The following FRMD8 variants were observed in gnomAD, a reference collection of about 807,000 sequenced individuals.
FRMD8 encodes the protein FERM domain-containing protein 8.
FRMD8 carries 37 observed loss-of-function variants against 54.2 expected under a neutral mutation model. The ratio of observed to expected loss-of-function variants is 0.68; its 90% CI spans 0.53 to 0.90. The LOEUF is 0.90. Among genes scored for constraint, FRMD8 ranks in the 40% least tolerant of loss-of-function variants. The pLI is 0.00. For synonymous variants in FRMD8, 246 were observed against 286.9 expected, an observed-to-expected ratio of 0.86 and a Z score of 1.44; for missense variants, 585 against 653.7, an observed-to-expected ratio of 0.89 and a Z score of 1.15.
At chr11:65,387,663 C>A (rs190289214) in intron 2 of FRMD8, among the ~76,000 whole-genome samples, 1 of 152,050 alleles carries the variant, frequency 6.6e-6, no homozygotes, top group African/African-American at 2.4e-5. Context: ...CTCAGCCTCC[C>A]GAGTAGCTAG....
chr11:65,394,158 T>A, intron 5 of FRMD8, 59 bp downstream of exon 5: 1 of 1,606,598 alleles, frequency 6.2e-7, no homozygotes, highest in Non-Finnish European at 8.5e-7. Flanking sequence ...AGCCTCCCTG[T>A]CCCTAGACCC....
the FRMD8 span, among the ~76,000 whole-genome samples, chr11:65,373,664 G>T: frequency 6.6e-6 from 1 of 152,126 alleles, no homozygotes; most frequent in Non-Finnish European, 1.5e-5. Context: ...AAAACTCACT[G>T]CAGCCTCAAC....
chr11:65,392,034 A>G (rs1244425061), intron 3 of FRMD8, among the ~76,000 whole-genome samples: 4 of 152,200 alleles, frequency 2.6e-5, no homozygotes, highest in African/African-American at 9.6e-5. Context: ...AAGTGAGGGG[A>G]GTTAATGGAG....
At chr11:65,396,254 C>A (rs537105612) in intron 6 of FRMD8, among the ~76,000 whole-genome samples, 10 of 152,198 alleles carry the variant, frequency 6.6e-5, no homozygotes, top group Admixed American at 2.6e-4. Flanking sequence ...CAGAGGCTGC[C>A]GGCTCAGGCA....
At position 65,394,330 on chromosome 11, in the gene FRMD8, G is replaced by C. The variant is rs539641376; in HGVS notation, c.486G>C (p.Pro162=). The C allele has an allele frequency of 1.0e-5, 16 of 1,585,640 alleles. No homozygotes were observed. Among genetic ancestry groups the C allele is most frequent in the African/African-American group, 1.3e-5 (1 of 74,118 alleles). ...AKGNVLAARY[P]CDVEDCEALG... ...GCAACGTGCTGGCTGCACGGTACCC[G>C]TGCGACGTGGAGGACTGCGAGGCTC... The change falls in exon 6 of 11, where the codon CCG becomes CCC. Residue 162 remains proline, a synonymous_variant. Coordinates refer to ENST00000317568, the MANE Select transcript of FRMD8 (RefSeq NM_031904.5).
Position 65,404,579 on chromosome 11 carries a change from C to T in FRMD8, c.1072-285C>T, listed in dbSNP as rs1458508267. Among the ~76,000 whole-genome samples the T allele has an allele frequency of 1.3e-5, 2 of 151,954 alleles. No individual in the cohort carries two copies. The highest frequency in any genetic ancestry group is 2.9e-5 in the Non-Finnish European group (2 of 67,960). ...GGCTCCCTACCCCCTCCCTCCCCAC[C>T]TGCTTCTGCCCATGGAGTCAGCCTT... On this transcript the variant is annotated intron_variant, in intron 9 of 10. Coordinates refer to ENST00000317568, the MANE Select transcript of FRMD8 (RefSeq NM_031904.5). This position sits in a 1 kb window ranked among gnomAD's most constrained non-coding sequence, Gnocchi z 4.7.
chr11:65,380,443 C>G, the FRMD8 span: 88 of 1,103,820 alleles, frequency 8.0e-5, 2 homozygotes, highest in South Asian at 1.3e-3. Flanking sequence ...AAGAGCCAGC[C>G]AAAGACGTAC....
At chr11:65,390,390 T>C (rs1275972072) in intron 3 of FRMD8, among the ~76,000 whole-genome samples, 1 of 152,082 alleles carries the variant, frequency 6.6e-6, no homozygotes. Flanking sequence ...CCCTTCGTTA[T>C]AGAGGAATGC....
upstream of FRMD8, chr11:65,382,097 G>A (rs753524301): frequency 8.3e-6 from 6 of 726,024 alleles, no homozygotes; most frequent in East Asian, 2.7e-5. The surrounding 1 kb of genome is among the most constrained non-coding windows in gnomAD (Gnocchi z 4.4). Flanking sequence ...CCAGACCTCC[G>A]GCAACTGGCA....
At chr11:65,397,842 G>A (rs1326623348) in intron 7 of FRMD8, among the ~76,000 whole-genome samples, 4 of 151,610 alleles carry the variant, frequency 2.6e-5, no homozygotes, top group African/African-American at 4.8e-5. Flanking sequence ...GGGACCACAG[G>A]TGTGCAGCAC....
the FRMD8 span, chr11:65,377,506 A>T: frequency 1.3e-6 from 1 of 790,504 alleles, no homozygotes; most frequent in African/African-American, 1.9e-5. Context: ...AGGGTGAAGG[A>T]GGTCCCCTCG....
chr11:65,388,522 G>C (rs1590646094), intron 2 of FRMD8, among the ~76,000 whole-genome samples: 2 of 152,152 alleles, frequency 1.3e-5, no homozygotes, highest in East Asian at 3.8e-4. Context: ...CCTGAAGTTG[G>C]CCAGCGACCA....
In FRMD8 at chr11:65,399,718, C is replaced by A; in HGVS notation, c.804-18C>A. On this transcript the variant is annotated intron_variant, in intron 7 of 10. Coordinates refer to ENST00000317568, the MANE Select transcript of FRMD8 (RefSeq NM_031904.5). ...ATTTCTGGTGCTGGCCGGAGGCTGA[C>A]CCCAGTCCCCTCCCCAGGTGTGCCT... The A allele has an allele frequency of 6.2e-7, 1 of 1,613,292 alleles. No homozygotes were observed. Among genetic ancestry groups the A allele is most frequent in the South Asian group, 1.1e-5 (1 of 90,986 alleles).
At chr11:65,394,902 C>G (rs1201427815) in intron 6 of FRMD8, among the ~76,000 whole-genome samples, 2 of 152,226 alleles carry the variant, frequency 1.3e-5, no homozygotes, top group African/African-American at 2.4e-5. Flanking sequence ...CTGCCAAAGC[C>G]CAGGCCGGTC....
intron 5 of FRMD8, 79 bp downstream of exon 5, chr11:65,394,178 C>A (rs1855897490): frequency 1.3e-6 from 2 of 1,598,332 alleles, no homozygotes. Flanking sequence ...CCTGGACATT[C>A]GCACCTTGCC....
At chr11:65,399,985 C>A in intron 8 of FRMD8, 126 bp downstream of exon 8, 1 of 1,168,928 alleles carries the variant, frequency 8.6e-7, no homozygotes, top group Non-Finnish European at 1.2e-6. Context: ...AGGGACCCTG[C>A]CTCCGTTGGA....
At chr11:65,375,276 C>G in the FRMD8 span, 1 of 152,414 alleles carries the variant, frequency 6.6e-6, no homozygotes, top group Non-Finnish European at 1.5e-5. Flanking sequence ...TCCCTGACCT[C>G]AGGCAGCTCA....
rs1441861173 is a variant in FRMD8 at position 65,413,050 on chromosome 11, T to C, written c.*1690T>C. ...TCTTGCTCTGTTGCCCAGGCAGGAG[T>C]GCAGTGGCGCATCTCGGCTCACTGC... On this transcript the variant is annotated 3_prime_UTR_variant, in exon 11 of 11. Transcript: ENST00000317568. 6.6e-6 allele frequency: 1 copy of C among 152,166 alleles called. No homozygotes were observed. Among genetic ancestry groups the C allele is most frequent in the East Asian group, 1.9e-4 (1 of 5,196 alleles). 9.4% of individuals were successfully genotyped at this position (152,166 alleles called of 1,614,324 possible).
At chr11:65,377,064 C>T in the FRMD8 span, 2 of 1,613,694 alleles carry the variant, frequency 1.2e-6, no homozygotes, top group Non-Finnish European at 1.7e-6. Flanking sequence ...TCAAAAGGAG[C>T]CAGACAGTAG....
Sources: allele counts gnomAD v4.1 joint callset (sites outside exome capture counted in the v4.1 genomes callset), GRCh38; gene constraint gnomAD v4.1.1; non-coding constraint Gnocchi (gnomAD v3.1); transcripts MANE v1.5; gene names NCBI Gene and HGNC (gene_info 2026-07-23, HGNC 2026-07-21).